Variants in HNRNPM observed in about 807,000 individuals in gnomAD.
HNRNPM encodes heterogeneous nuclear ribonucleoprotein M, also known as CEA receptor.
HNRNPM carries 11 observed loss-of-function variants against 73.1 expected under a neutral mutation model. That is an observed-to-expected ratio of 0.15 (90% confidence interval 0.09 to 0.25). The LOEUF is 0.25. HNRNPM is among the 10% of genes least tolerant of loss of function. The probability of loss-of-function intolerance (pLI) is 1.00; values close to 1 mark genes in which losing one functional copy is unlikely to be tolerated. For synonymous variants in HNRNPM, 407 were observed against 355.2 expected (o/e 1.15, Z -1.64); for missense variants, 789 against 1,067.9 (o/e 0.74, Z 3.64).
At chr19:8,450,922 T>A (rs1968571064) in intron 1 of HNRNPM, among the ~76,000 whole-genome samples, 1 of 151,666 alleles carries the variant, frequency 6.6e-6, no homozygotes, top group African/African-American at 2.4e-5. Context: ...TGTTTTGTTT[T>A]TGAGACGGAG....
At chr19:8,474,135 G>C (rs2145708494) in intron 11 of HNRNPM, 32 bp from the exon 12 acceptor site, 3 of 1,507,214 alleles carry the variant, frequency 2.0e-6, no homozygotes, top group Non-Finnish European at 2.7e-6. Context: ...CAGTCTTGTT[G>C]GATGATGCTG....
Position 8,486,152 on chromosome 19 carries a change from G to C in HNRNPM, c.1724G>C (p.Ser575Thr), listed in dbSNP as rs1971282667. Residue 575 changes from serine (S) to threonine (T), a missense_variant, in exon 14 of 16, where the codon AGC becomes ACC. Coordinates refer to ENST00000325495, the MANE Select transcript of HNRNPM (RefSeq NM_005968.5). ...RMGLERMGANSLERMGLERMG... is the reference protein window; with the variant it reads ...RMGLERMGANTLERMGLERMG... The stretch of plus-strand genomic sequence containing the variant: ...GGCCTGGAGCGCATGGGCGCCAACA[G>C]CCTCGAGCGCATGGGCCTGGAGCGC... 1 of 1,604,314 alleles carries C rather than the reference G, an allele frequency of 6.2e-7. No individual in the cohort carries two copies. The highest frequency in any genetic ancestry group is 8.5e-7 in the Non-Finnish European group (1 of 1,178,470).
At chr19:8,465,868 A>G (rs1202664759) in intron 6 of HNRNPM, among the ~76,000 whole-genome samples, 1 of 152,166 alleles carries the variant, frequency 6.6e-6, no homozygotes, top group African/African-American at 2.4e-5. Context: ...GGTGAATGAT[A>G]ATACCTCCAC....
chr19:8,457,875 A>G (rs1331702547), intron 2 of HNRNPM, among the ~76,000 whole-genome samples: 1 of 152,260 alleles, frequency 6.6e-6, no homozygotes, highest in Non-Finnish European at 1.5e-5. Flanking sequence ...AGATAGAGGC[A>G]CTTACAACCC....
Position 8,455,497 on chromosome 19 carries a change from A to G in HNRNPM, c.206A>G (p.Lys69Arg), listed in dbSNP as rs1968943403. The change falls in exon 2 of 16, where the codon AAA (lysine) becomes AGA (arginine). Residue 69 changes from lysine to arginine, a missense_variant. Lys to Arg is a conservative substitution (Grantham distance 26). Coordinates refer to ENST00000325495, the MANE Select transcript of HNRNPM (RefSeq NM_005968.5). ...TTTGAGCCATATGCCAATCCAACTA[A>G]AAGATACAGAGCCTTCATTACAAAC... is the stretch of plus-strand genomic sequence containing the variant. ...NRFEPYANPTKRYRAFITNIP... is the reference protein window; with the variant it reads ...NRFEPYANPTRRYRAFITNIP... 3.7e-6 allele frequency: 6 copies of G among 1,613,992 alleles called. No homozygotes were observed. Among genetic ancestry groups the G allele is most frequent in the Non-Finnish European group, 5.1e-6 (6 of 1,179,852 alleles).
intron 9 of HNRNPM, among the ~76,000 whole-genome samples, chr19:8,470,157 G>C (rs117197308): frequency 6.6e-6 from 1 of 152,212 alleles, no homozygotes; most frequent in Non-Finnish European, 1.5e-5. Flanking sequence ...CATTTCGGAG[G>C]CTTGACTTCA....
At chr19:8,481,820 G>A (rs1046125348) in intron 12 of HNRNPM, among the ~76,000 whole-genome samples, 3 of 152,126 alleles carry the variant, frequency 2.0e-5, no homozygotes, top group South Asian at 4.2e-4. Context: ...GATCGCAGGC[G>A]TCCCGGGAGA....
At chr19:8,470,127 A>G (rs527733957) in intron 9 of HNRNPM, among the ~76,000 whole-genome samples, 88 of 152,326 alleles carry the variant, frequency 5.8e-4, no homozygotes, top group Non-Finnish European at 2.6e-4. Context: ...CCTGTTATCC[A>G]TGGCTCTTGG....
At chr19:8,486,429 TTGG>T (rs763402350) in intron 14 of HNRNPM, 24 bp downstream of exon 14, 23 of 1,535,270 alleles carry the variant, frequency 1.5e-5, no homozygotes, top group African/African-American at 1.4e-4. Flanking sequence ...GGGGAACTTC[TTGG>T]TGGTGGTGAG....
intron 12 of HNRNPM, among the ~76,000 whole-genome samples, chr19:8,476,294 C>T (rs1332608945): frequency 6.6e-6 from 1 of 152,090 alleles, no homozygotes; most frequent in Non-Finnish European, 1.5e-5. Flanking sequence ...GCTCTAGAGC[C>T]CTTGGGCACT....
At position 8,486,280 on chromosome 19, in the gene HNRNPM, A is replaced by G; in HGVS notation, c.1852A>G (p.Ser618Gly). Residue 618 changes from serine to glycine, a missense_variant, in exon 14 of 16, where the codon AGC becomes GGC. Ser to Gly is a moderately conservative substitution (Grantham distance 56, BLOSUM62 0). Coordinates refer to ENST00000325495, the MANE Select transcript of HNRNPM (RefSeq NM_005968.5). ...GLAMGGGGGA[S>G]FDRAIEMERG... The stretch of plus-strand genomic sequence containing the variant: ...GGCCATGGGTGGCGGTGGCGGTGCC[A>G]GCTTTGACCGTGCCATCGAGATGGA... The G allele has an allele frequency of 6.2e-7, 1 of 1,601,426 alleles. No homozygotes were observed. Among genetic ancestry groups the G allele is most frequent in the Non-Finnish European group, 8.5e-7 (1 of 1,179,872 alleles).
At chr19:8,487,434 C>T in intron 15 of HNRNPM, 1 of 277,674 alleles carries the variant, frequency 3.6e-6, no homozygotes, top group South Asian at 3.3e-5. Flanking sequence ...CCCCTCAGCA[C>T]AGCTGGTGTG....
intron 1 of HNRNPM, among the ~76,000 whole-genome samples, chr19:8,454,797 T>C (rs953646304): frequency 2.6e-5 from 4 of 151,392 alleles, no homozygotes; most frequent in African/African-American, 9.7e-5. Context: ...ATCCCTCTCT[T>C]CTCCTGTTTC....
intron 12 of HNRNPM, among the ~76,000 whole-genome samples, chr19:8,478,883 TGGTGTCCAGTCCAGTTAGCAG>T (rs1241205628): frequency 6.6e-6 from 1 of 152,062 alleles, no homozygotes; most frequent in Non-Finnish European, 1.5e-5. Context: ...CAGGGTGCTG[TGGTGTCCAGTCCAGTTAGCAG>T]GATGGAGTGA....
chr19:8,447,792 C>G (rs963081578), intron 1 of HNRNPM, among the ~76,000 whole-genome samples: 1 of 152,086 alleles, frequency 6.6e-6, no homozygotes, highest in East Asian at 1.9e-4. Context: ...TTTGGGAGGC[C>G]GAGGCGGGCA....
chr19:8,474,587 G>T (rs1422662983), intron 12 of HNRNPM, among the ~76,000 whole-genome samples: 1 of 152,140 alleles, frequency 6.6e-6, no homozygotes, highest in Non-Finnish European at 1.5e-5. Context: ...GCTGCAAAGG[G>T]TTGTTCTTGG....
Position 8,488,936 on chromosome 19 carries a change from T to C in HNRNPM, c.*82T>C. The C allele has an allele frequency of 1.6e-6, 2 of 1,246,858 alleles. No individual in the cohort carries two copies. Among genetic ancestry groups the C allele is most frequent in the Non-Finnish European group, 2.2e-6 (2 of 900,350 alleles). 77.2% of individuals were successfully genotyped at this position (1,246,858 alleles called of 1,614,324 possible). A position where few individuals can be genotyped will look rare whatever the true frequency, so the allele number is the denominator to read the frequency against. On this transcript the variant is annotated 3_prime_UTR_variant, in exon 16 of 16. Coordinates refer to ENST00000325495, the MANE Select transcript of HNRNPM (RefSeq NM_005968.5). ...TAACCATTTTAATTTGTTGGCTGGA[T>C]GTATAAAGATGTTTAAAAAATTCAG...
chr19:8,461,156 A>G (rs1599773840), intron 2 of HNRNPM, among the ~76,000 whole-genome samples: 1 of 152,322 alleles, frequency 6.6e-6, no homozygotes, highest in East Asian at 1.9e-4. Flanking sequence ...ACATTTCAGG[A>G]GAGGACAAAG....
rs193094903 is a variant in HNRNPM, at chr19:8,478,609, A to G, written c.1120+4365A>G. 1.1e-3 allele frequency among the ~76,000 whole-genome samples: 166 copies of G among 152,280 alleles called. 1 individual carries two copies. The highest frequency in any genetic ancestry group is 3.5e-3 in the African/African-American group (145 of 41,538). ...AGCTGGTTTTTTTTAAGCTTTTAAA[A>G]AAGATGTTGTTTTAGACCTAGGTAA... On this transcript the variant is annotated intron_variant, in intron 12 of 15. Transcript: ENST00000325495.
Sources: allele counts gnomAD v4.1 joint callset (sites outside exome capture counted in the v4.1 genomes callset), GRCh38; gene constraint gnomAD v4.1.1; transcripts MANE v1.5; gene names NCBI Gene and HGNC (gene_info 2026-07-23, HGNC 2026-07-21).